Variants in PALLD observed in about 807,000 individuals in gnomAD.
PALLD encodes the protein palladin.
In PALLD, 61 loss-of-function variants were observed where a neutral mutation model predicts 123.5. The ratio of observed to expected loss-of-function variants is 0.49; its 90% CI spans 0.40 to 0.61. PALLD has a LOEUF of 0.61. Ranked by LOEUF, PALLD falls within the 20% of genes least tolerant of loss-of-function variation. The pLI is 0.00. For synonymous variants in PALLD, 465 were observed against 496.4 expected (o/e 0.94, Z 0.84); for missense variants, 1,273 against 1,377.0 (o/e 0.92, Z 1.20).
intron 10 of PALLD, among the ~76,000 whole-genome samples, chr4:168,805,006 A>G (rs530624995): frequency 6.6e-6 from 1 of 152,126 alleles, no homozygotes; most frequent in Non-Finnish European, 1.5e-5. Context: ...TAAAAATACA[A>G]AAATTAGCTG....
chr4:168,639,679 G>A (rs915597298), intron 2 of PALLD, among the ~76,000 whole-genome samples: 9 of 151,960 alleles, frequency 5.9e-5, no homozygotes, highest in Admixed American at 5.9e-4. Context: ...GAGTAGCTGG[G>A]ACTACAGGCA....
intron 2 of PALLD, among the ~76,000 whole-genome samples, chr4:168,538,173 A>G (rs1005068714): frequency 6.6e-6 from 1 of 152,252 alleles, no homozygotes; most frequent in Non-Finnish European, 1.5e-5. Flanking sequence ...AAAAATAAGT[A>G]GAAGCAAAAC....
intron 10 of PALLD, among the ~76,000 whole-genome samples, chr4:168,850,426 A>C (rs1177367712): frequency 6.6e-6 from 1 of 150,852 alleles, no homozygotes; most frequent in African/African-American, 2.4e-5. Context: ...GATTGTTCAC[A>C]TTGCAAACCT....
In PALLD at chr4:168,760,328, G is replaced by A. The variant is rs1046237952; in HGVS notation, c.1964+48405G>A. The stretch of plus-strand genomic sequence containing the variant: ...TTCCCGGCTCTGGCAGTGGGTGCGG[G>A]GAGGCCTCAACACAGCCAGCCCCTT... On this transcript the variant is annotated intron_variant, in intron 10 of 21. Transcript: ENST00000505667. Among the ~76,000 whole-genome samples, 174 of 133,750 alleles carry A rather than the reference G, an allele frequency of 1.3e-3. 1 individual carries two copies. Among genetic ancestry groups the A allele is most frequent in the African/African-American group, 4.6e-3 (167 of 36,184 alleles). The allele number at this position is 133,750 out of a possible 152,430, so 87.7% of individuals were successfully genotyped here. A position where few individuals can be genotyped will look rare whatever the true frequency, so the allele number is the denominator to read the frequency against.
chr4:168,523,500 T>A (rs1182946984), intron 2 of PALLD, among the ~76,000 whole-genome samples: 2 of 152,186 alleles, frequency 1.3e-5, no homozygotes, highest in East Asian at 3.8e-4. Context: ...GTTTCAGTTT[T>A]GGACTTTGAA....
At chr4:168,526,526 G>A (rs1191362012) in intron 2 of PALLD, among the ~76,000 whole-genome samples, 6 of 151,678 alleles carry the variant, frequency 4.0e-5, no homozygotes, top group Non-Finnish European at 5.9e-5. Context: ...CCCATATTTA[G>A]TGCTATCTGT....
At chr4:168,915,803 T>C in intron 16 of PALLD, 92 bp from the exon 17 acceptor site, 1 of 946,676 alleles carries the variant, frequency 1.1e-6, no homozygotes, top group Non-Finnish European at 1.7e-6. Flanking sequence ...ATCATATTAT[T>C]ACCCCATGTA....
At chr4:168,824,231 T>C (rs982076611) in intron 10 of PALLD, among the ~76,000 whole-genome samples, 1 of 152,236 alleles carries the variant, frequency 6.6e-6, no homozygotes, top group African/African-American at 2.4e-5. Flanking sequence ...AACTTTACTT[T>C]CAAAATCTTA....
At chr4:168,719,493 C>G (rs1339001280) in intron 10 of PALLD, among the ~76,000 whole-genome samples, 1 of 152,246 alleles carries the variant, frequency 6.6e-6, no homozygotes, top group Non-Finnish European at 1.5e-5. Flanking sequence ...CTCCTCACCT[C>G]AGGTGATCTG....
intron 10 of PALLD, among the ~76,000 whole-genome samples, chr4:168,808,621 G>A (rs1022482934): frequency 3.9e-5 from 6 of 152,162 alleles, no homozygotes; most frequent in South Asian, 2.1e-4. Flanking sequence ...CCTGAAGACT[G>A]GGCAATTTAC....
At position 168,902,261 on chromosome 4, in the gene PALLD, T is replaced by C. The variant is rs536004472; in HGVS notation, c.2473-1496T>C. Reference sequence around the variant, plus strand: ...AAGGGTCTAAAGTATATTTGTTTTGTTAGGAATCAGGAATACTTTTGGCTG... The same window carrying C: ...AAGGGTCTAAAGTATATTTGTTTTGCTAGGAATCAGGAATACTTTTGGCTG... On this transcript the variant is annotated intron_variant, in intron 14 of 21. Transcript: ENST00000505667. Among the ~76,000 whole-genome samples the C allele has an allele frequency of 7.9e-5, 12 of 152,300 alleles. No individual in the cohort carries two copies. In the South Asian group the frequency reaches 2.1e-3, roughly 26 times the overall value.
Position 168,912,464 on chromosome 4 carries a change from CAAATT to C in PALLD, c.2623-1460_2623-1456del, listed in dbSNP as rs546551227. Among the ~76,000 whole-genome samples the C allele has an allele frequency of 2.0e-4, 30 of 152,196 alleles. No individual in the cohort carries two copies. In the East Asian group the frequency reaches 5.4e-3, roughly 27 times the overall value. On this transcript the variant is annotated intron_variant, in intron 15 of 21. Coordinates refer to ENST00000505667, the MANE Select transcript of PALLD (RefSeq NM_001166108.2). ...ACTCTGCTGGTAACAGTGAAAAAAA[CAAATT>C]AAGAGAAAGGGCTGAAACAAAAACC...
intron 10 of PALLD, among the ~76,000 whole-genome samples, chr4:168,860,919 A>G (rs1165531934): frequency 1.9e-4 from 29 of 152,214 alleles, no homozygotes; most frequent in Non-Finnish European, 8.8e-5. Flanking sequence ...TGAAAACACA[A>G]TGCCCAAAGA....
intron 10 of PALLD, among the ~76,000 whole-genome samples, chr4:168,794,474 A>ACACGCACACACACATG (rs1738135178): frequency 6.8e-6 from 1 of 146,776 alleles, no homozygotes; most frequent in Non-Finnish European, 1.5e-5. Flanking sequence ...ACGTACGTGC[A>ACACGCACACACACATG]CACGCACACA....
chr4:168,913,051 CT>C (rs917134246), intron 15 of PALLD, among the ~76,000 whole-genome samples: 8 of 152,126 alleles, frequency 5.3e-5, no homozygotes, highest in African/African-American at 1.9e-4. Context: ...TGAAGCTCTC[CT>C]TATCATCCCA....
At chr4:168,543,863 A>C (rs1171581399) in intron 2 of PALLD, among the ~76,000 whole-genome samples, 1 of 152,220 alleles carries the variant, frequency 6.6e-6, no homozygotes, top group East Asian at 1.9e-4. Flanking sequence ...AAAAAACCCA[A>C]AGGAAGAGAT....
chr4:168,587,988 AG>A (rs1771012733), intron 2 of PALLD, among the ~76,000 whole-genome samples: 1 of 152,100 alleles, frequency 6.6e-6, no homozygotes, highest in African/African-American at 2.4e-5. Context: ...GCCTTTCTCC[AG>A]GGCTAAACCC....
intron 2 of PALLD, among the ~76,000 whole-genome samples, chr4:168,662,298 A>G (rs558499290): frequency 1.4e-4 from 22 of 152,260 alleles, no homozygotes; most frequent in South Asian, 2.1e-4. Flanking sequence ...TCCTCTCTCA[A>G]TCAAAACCCC....
intron 10 of PALLD, among the ~76,000 whole-genome samples, chr4:168,755,232 CAAAAAAAAAA>C (rs34076268): frequency 9.6e-6 from 1 of 104,548 alleles, no homozygotes; most frequent in Non-Finnish European, 2.0e-5. Flanking sequence ...GACTCCGTCT[CAAAAAAAAAA>C]AAAAAAAAAG....
Sources: gnomAD v4.1 joint callset for allele counts (sites outside exome capture counted in the v4.1 genomes callset) on GRCh38, gnomAD v4.1.1 for gene constraint, MANE v1.5 for transcripts, NCBI Gene and HGNC (gene_info 2026-07-23, HGNC 2026-07-21) for gene names.